PABPC1: variants seen among roughly 807,000 people sequenced by gnomAD.
PABPC1 encodes the protein polyadenylate-binding protein 1.
A neutral mutation model predicts 74.0 loss-of-function variants in PABPC1; 4 were observed. The observed-to-expected ratio is 0.05, with a 90% CI of 0.03 to 0.12. PABPC1 has a LOEUF of 0.12. Among genes scored for constraint, PABPC1 ranks in the 10% least tolerant of loss-of-function variants. The pLI, the probability that PABPC1 is intolerant of heterozygous loss-of-function variation, is 1.00. For synonymous variants in PABPC1, 227 were observed against 264.1 expected, an observed-to-expected ratio of 0.86 and a Z score of 1.36; for missense variants, 271 against 821.1, an observed-to-expected ratio of 0.33 and a Z score of 8.19.
intron 3 of PABPC1, among the ~76,000 whole-genome samples, chr8:100,716,082 T>A (rs1315718614): frequency 6.6e-6 from 1 of 152,142 alleles, no homozygotes; most frequent in Non-Finnish European, 1.5e-5. Context: ...AAACTTAATT[T>A]TTTCTGAATA....
chr8:100,708,181 C>T (rs748106857), intron 9 of PABPC1, among the ~76,000 whole-genome samples: 19 of 152,170 alleles, frequency 1.2e-4, no homozygotes, highest in Non-Finnish European at 2.2e-4. Flanking sequence ...GGTCTCTTGC[C>T]TTGGCACCTG....
chr8:100,714,678 G>T (rs575023875), intron 4 of PABPC1, among the ~76,000 whole-genome samples: 3 of 152,048 alleles, frequency 2.0e-5, no homozygotes, highest in African/African-American at 7.2e-5. Flanking sequence ...ACAATGAGCC[G>T]AGATCACGTG....
Position 100,709,225 on chromosome 8 carries a change from T to C in PABPC1, c.1246-2A>G, listed in dbSNP as rs1046607995. 1 of 1,610,446 alleles carries C rather than the reference T, an allele frequency of 6.2e-7. No homozygotes were observed. The highest frequency in any genetic ancestry group is 1.3e-5 in the African/African-American group (1 of 74,660). On this transcript the variant is annotated splice_acceptor_variant, in intron 8 of 14. Transcript: ENST00000318607. LOFTEE classifies it high-confidence loss of function. ...ATAGTATGCAGCACGGTTCTGAGTC[T>C]GCAGGGAAAAAAAGCACATGAGTTT...
chr8:100,711,655 T>G (rs1810530511), intron 7 of PABPC1, among the ~76,000 whole-genome samples: 1 of 152,240 alleles, frequency 6.6e-6, no homozygotes, highest in Non-Finnish European at 1.5e-5. Flanking sequence ...CCATGGCACT[T>G]CCATCTTACT....
At chr8:100,708,580 C>A (rs1810442639) in intron 9 of PABPC1, among the ~76,000 whole-genome samples, 1 of 152,170 alleles carries the variant, frequency 6.6e-6, no homozygotes, top group African/African-American at 2.4e-5. Context: ...TGTGGCCTGA[C>A]AAAATATGAA....
intron 9 of PABPC1, among the ~76,000 whole-genome samples, chr8:100,708,907 A>AT (rs1554595384): frequency 0.027 from 4,019 of 146,948 alleles, 175 homozygotes; most frequent in African/African-American, 0.1. Context: ...AAATAAATAA[A>AT]AAATGAAGAG....
At chr8:100,706,510 C>T in intron 11 of PABPC1, 141 bp downstream of exon 11, 2 of 628,350 alleles carry the variant, frequency 3.2e-6, no homozygotes, top group Non-Finnish European at 5.4e-6. Flanking sequence ...TGGTCCCAAA[C>T]TCCTGGTCTC....
At chr8:100,719,000 G>A (rs1810743479) in intron 1 of PABPC1, among the ~76,000 whole-genome samples, 1 of 152,124 alleles carries the variant, frequency 6.6e-6, no homozygotes, top group South Asian at 2.1e-4. Context: ...ACGCTCTCTT[G>A]ACACATACAA....
In PABPC1 at chr8:100,712,586, C is replaced by G. The variant is rs960411392; in HGVS notation, c.876+66G>C. The G allele has an allele frequency of 3.1e-5, 48 of 1,559,070 alleles. No homozygotes were observed. The Middle Eastern group carries it at 6.8e-4, about 22-fold the overall frequency. ...AAACCCTCCAGCTACCTGGAAGTAA[C>G]TGAAATCAACGTAAAATAGGTTTCC... is the stretch of plus-strand genomic sequence containing the variant. On this transcript the variant is annotated intron_variant, in intron 6 of 14. Coordinates refer to ENST00000318607, the MANE Select transcript of PABPC1 (RefSeq NM_002568.4).
chr8:100,709,345 A>G, intron 8 of PABPC1, 114 bp downstream of exon 8: 3 of 1,471,502 alleles, frequency 2.0e-6, no homozygotes, highest in Non-Finnish European at 2.8e-6. Flanking sequence ...TTTCCTACTC[A>G]ATCATAATTC....
intron 3 of PABPC1, among the ~76,000 whole-genome samples, chr8:100,717,447 C>T (rs1385291790): frequency 6.6e-6 from 1 of 152,214 alleles, no homozygotes; most frequent in Admixed American, 6.5e-5. Context: ...TGATTTTTCA[C>T]TAATGCACTC....
At chr8:100,712,608 T>TTC (rs759437324) in intron 6 of PABPC1, 44 bp downstream of exon 6, 4 of 1,579,182 alleles carry the variant, frequency 2.5e-6, no homozygotes, top group Non-Finnish European at 3.4e-6. Flanking sequence ...TAAAATAGGT[T>TTC]TCCTCATCCC....
chr8:100,713,282 C>T, intron 4 of PABPC1, 101 bp from the exon 5 acceptor site: 3 of 631,060 alleles, frequency 4.8e-6, no homozygotes, highest in East Asian at 3.1e-5. Flanking sequence ...TTTCAAAGCT[C>T]CGTAACTTGA....
At chr8:100,709,052 C>T (rs1017441979) in intron 9 of PABPC1, 81 bp downstream of exon 9, 44 of 1,048,590 alleles carry the variant, frequency 4.2e-5, no homozygotes, top group Admixed American at 2.3e-4. Flanking sequence ...GTTAACCTAA[C>T]ATTGACATAG....
Position 100,704,398 on chromosome 8 carries a change from A to G in PABPC1, c.1819-8T>C. On this transcript the variant is annotated splice_polypyrimidine_tract_variant and splice_region_variant and intron_variant, in intron 13 of 14. Coordinates refer to ENST00000318607, the MANE Select transcript of PABPC1 (RefSeq NM_002568.4). ...AGCTACAGCTTCATCAACCTAAAAA[A>G]GGGGAAAACAGATAAACTGGTTCAG... is the stretch of plus-strand genomic sequence containing the variant. 1 of 1,604,666 alleles carries G rather than the reference A, an allele frequency of 6.2e-7. No individual in the cohort carries two copies. Among genetic ancestry groups the G allele is most frequent in the East Asian group, 2.2e-5 (1 of 44,808 alleles).
chr8:100,718,267 C>T lies in PABPC1; in HGVS notation c.207G>A (p.Leu69=). Reference sequence around the variant, plus strand: ...TTATAACATCAAAATTCATGGTGTCCAAAGCACGCTCCGCTGCAGGAAGGA... The same window carrying T: ...TTATAACATCAAAATTCATGGTGTCTAAAGCACGCTCCGCTGCAGGAAGGA... ...FQQPADAERA[L]DTMNFDVIKG... is the part of the protein sequence containing the mutation. The change falls in exon 2 of 15, where the codon TTG becomes TTA. Residue 69 remains leucine, a synonymous_variant. Transcript: ENST00000318607. 6.2e-7 allele frequency: 1 copy of T among 1,612,050 alleles called. No homozygotes were observed. The highest frequency in any genetic ancestry group is 8.5e-7 in the Non-Finnish European group (1 of 1,178,508).
intron 4 of PABPC1, 139 bp downstream of exon 4, chr8:100,715,323 A>G: frequency 1.5e-6 from 1 of 689,536 alleles, no homozygotes; most frequent in Non-Finnish European, 2.3e-6. Context: ...CCAGCAGCTT[A>G]ATTCAAATAA....
Position 100,715,516 on chromosome 8 carries a change from T to C in PABPC1, c.589A>G (p.Asn197Asp). The C allele has an allele frequency of 6.2e-7, 1 of 1,613,566 alleles. No individual in the cohort carries two copies. The change falls in exon 4 of 15, where the codon AAT becomes GAT. Residue 197 changes from asparagine to aspartate, a missense_variant. Transcript: ENST00000318607. ...TCATCATCCATGTCTTCTCCAAAAT[T>C]CTTGATGTAAACATTGGTGAATTCT... ...AKEFTNVYIK[N>D]FGEDMDDERL...
Position 100,706,597 on chromosome 8 carries a change from C to A in PABPC1, c.1602+54G>T, listed in dbSNP as rs888105099. ...CCACTGTGCCCAGCTGTCTTCACAC[C>A]TTTGATTTCACCCAAGAAATGTGAT... On this transcript the variant is annotated intron_variant, in intron 11 of 14. Transcript: ENST00000318607. 3.2e-6 allele frequency: 5 copies of A among 1,538,632 alleles called. No homozygotes were observed. In the African/African-American group the frequency reaches 6.8e-5, roughly 21 times the overall value.
Sources: gnomAD v4.1 joint callset for allele counts (sites outside exome capture counted in the v4.1 genomes callset) on GRCh38, gnomAD v4.1.1 for gene constraint, MANE v1.5 for transcripts, NCBI Gene and HGNC (gene_info 2026-07-23, HGNC 2026-07-21) for gene names.